FUT9: variants seen among roughly 807,000 people sequenced by gnomAD.
FUT9 encodes fucosyltransferase 9.
A neutral mutation model predicts 29.7 loss-of-function variants in FUT9; 15 were observed. The observed-to-expected ratio is 0.51, with a 90% CI of 0.34 to 0.78. FUT9 has a LOEUF of 0.78. Among genes scored for constraint, FUT9 ranks in the 30% least tolerant of loss-of-function variants. FUT9 has a pLI of 0.01. For synonymous variants in FUT9, 169 were observed against 153.7 expected, an observed-to-expected ratio of 1.10 and a Z score of -0.74; for missense variants, 319 against 425.4, an observed-to-expected ratio of 0.75 and a Z score of 2.20.
chr6:96,020,740 G>A (rs1303702697), intron 1 of FUT9: 2 of 152,056 alleles, frequency 1.3e-5, no homozygotes, highest in African/African-American at 4.8e-5. Flanking sequence ...AACGTGCTTG[G>A]ACTGATGTAA....
At chr6:96,197,776 G>A (rs1773653045) in intron 2 of FUT9, among the ~76,000 whole-genome samples, 1 of 152,140 alleles carries the variant, frequency 6.6e-6, no homozygotes. Context: ...GAAGAGGTAG[G>A]TAGTGGCTGC....
intron 2 of FUT9, among the ~76,000 whole-genome samples, chr6:96,176,380 T>C (rs2127984632): frequency 6.6e-6 from 1 of 151,880 alleles, no homozygotes; most frequent in South Asian, 2.1e-4. Flanking sequence ...TATTTATATA[T>C]ATCCTATTGG....
At chr6:96,093,723 A>G (rs1207997799) in intron 1 of FUT9, among the ~76,000 whole-genome samples, 1 of 152,122 alleles carries the variant, frequency 6.6e-6, no homozygotes, top group East Asian at 1.9e-4. Flanking sequence ...ATGAATATGG[A>G]TCCACATACA....
chr6:96,138,154 A>C (rs1025756333), intron 2 of FUT9, among the ~76,000 whole-genome samples: 12 of 152,300 alleles, frequency 7.9e-5, no homozygotes, highest in African/African-American at 2.9e-4. Flanking sequence ...TGAGTTACTC[A>C]TGCCCTCTCT....
intron 2 of FUT9, among the ~76,000 whole-genome samples, chr6:96,157,897 C>T (rs113703422): frequency 0.013 from 2,036 of 152,176 alleles, 26 homozygotes; most frequent in Non-Finnish European, 0.02. Flanking sequence ...AGATATGATG[C>T]AAATGAAAGG....
chr6:96,179,039 C>T (rs1475587389), intron 2 of FUT9, among the ~76,000 whole-genome samples: 2 of 152,018 alleles, frequency 1.3e-5, no homozygotes, highest in African/African-American at 4.8e-5. Flanking sequence ...TTTTATACCA[C>T]AAGAAGCAGA....
chr6:96,053,062 T>G (rs1770701712), intron 1 of FUT9, among the ~76,000 whole-genome samples: 1 of 152,102 alleles, frequency 6.6e-6, no homozygotes, highest in Non-Finnish European at 1.5e-5. Context: ...TAAAATTATT[T>G]TTAATGCAAG....
In FUT9 at chr6:96,203,865, C is replaced by T. The variant is rs1296604809; in HGVS notation, c.710C>T (p.Thr237Ile). The part of the protein sequence containing the change: ...NDKNLIPTIS[T>I]CKFYLSFENS... ...AAAAATTTGATTCCTACCATATCTA[C>T]TTGTAAATTTTATCTTTCCTTTGAA... Residue 237 changes from threonine (T) to isoleucine (I), a missense_variant, in exon 3 of 3, where the codon ACT becomes ATT. Coordinates refer to ENST00000302103, the MANE Select transcript of FUT9 (RefSeq NM_006581.4). The T allele has an allele frequency of 6.2e-7, 1 of 1,610,502 alleles. No homozygotes were observed. Among genetic ancestry groups the T allele is most frequent in the Middle Eastern group, 1.7e-4 (1 of 6,052 alleles).
chr6:96,157,307 G>C (rs764247320), intron 2 of FUT9, among the ~76,000 whole-genome samples: 1 of 152,256 alleles, frequency 6.6e-6, no homozygotes, highest in East Asian at 1.9e-4. Context: ...TCACAAAGGA[G>C]GACCTTGAGC....
At chr6:96,153,837 G>A (rs562252688) in intron 2 of FUT9, among the ~76,000 whole-genome samples, 6 of 152,210 alleles carry the variant, frequency 3.9e-5, no homozygotes, top group African/African-American at 1.2e-4. Flanking sequence ...TATACCATTT[G>A]CATTTTAATT....
chr6:96,158,073 T>A (rs1342846671), intron 2 of FUT9, among the ~76,000 whole-genome samples: 1 of 152,044 alleles, frequency 6.6e-6, no homozygotes, highest in Non-Finnish European at 1.5e-5. Context: ...TGACTTTTAA[T>A]TAGCACTTTT....
At chr6:96,041,674 C>A (rs1770463421) in intron 1 of FUT9, among the ~76,000 whole-genome samples, 1 of 152,160 alleles carries the variant, frequency 6.6e-6, no homozygotes, top group Admixed American at 6.5e-5. Flanking sequence ...TGTCTAAGGG[C>A]ATTTCCAGCT....
chr6:96,126,086 T>C (rs922903815), intron 2 of FUT9, among the ~76,000 whole-genome samples: 11 of 152,208 alleles, frequency 7.2e-5, no homozygotes, highest in African/African-American at 2.7e-4. Context: ...TAAGCCTCTC[T>C]CATGTCGGCG....
chr6:96,137,742 G>A (rs1772384885), intron 2 of FUT9, among the ~76,000 whole-genome samples: 1 of 151,892 alleles, frequency 6.6e-6, no homozygotes, highest in South Asian at 2.1e-4. Flanking sequence ...AAAATATTGG[G>A]TTTAGTGAAT....
intron 1 of FUT9, among the ~76,000 whole-genome samples, chr6:96,029,545 A>G (rs928109093): frequency 6.6e-6 from 1 of 151,662 alleles, no homozygotes; most frequent in East Asian, 1.9e-4. Flanking sequence ...GAGTAACTCA[A>G]TGCCCCAAAC....
rs1773990405 is a variant in FUT9, at chr6:96,214,057, C to G, written c.*9822C>G. On this transcript the variant is annotated 3_prime_UTR_variant, in exon 3 of 3. Transcript: ENST00000302103. ...AAATGTTATTCATAGTGCTAATGAG[C>G]CAATAAACAATGCTGCGTTTCTTTT... 6.0e-6 allele frequency: 1 copy of G among 166,858 alleles called. No individual in the cohort carries two copies. Among genetic ancestry groups the G allele is most frequent in the African/African-American group, 2.4e-5 (1 of 41,408 alleles). The allele number at this position is 166,858 out of a possible 1,614,324, so 10.3% of individuals were successfully genotyped here. A position where few individuals can be genotyped will look rare whatever the true frequency, so the allele number is the denominator to read the frequency against.
chr6:96,172,725 A>G (rs1353361803), intron 2 of FUT9, among the ~76,000 whole-genome samples: 1 of 152,152 alleles, frequency 6.6e-6, no homozygotes, highest in African/African-American at 2.4e-5. Context: ...GTTCTTCATC[A>G]AAACAAAAGA....
chr6:96,047,172 G>GAATGGA (rs986237379), intron 1 of FUT9, among the ~76,000 whole-genome samples: 2 of 152,066 alleles, frequency 1.3e-5, no homozygotes, highest in African/African-American at 4.8e-5. Flanking sequence ...CAGTGTCACC[G>GAATGGA]AATGGAAATG....
rs545199066 is a variant in FUT9 at position 96,087,957 on chromosome 6, T to C, written c.-97-26082T>C. ...GCTCTTGTATGTGTCTGAGAAAGTC[T>C]TTATTTTTCAAAGACATTTTCACTG... On this transcript the variant is annotated intron_variant, in intron 1 of 2. Transcript: ENST00000302103. Among the ~76,000 whole-genome samples the C allele has an allele frequency of 2.6e-5, 4 of 152,300 alleles. No homozygotes were observed. In the East Asian group the frequency reaches 7.7e-4, roughly 29 times the overall value.
Sources: allele counts gnomAD v4.1 joint callset (sites outside exome capture counted in the v4.1 genomes callset), GRCh38; gene constraint gnomAD v4.1.1; transcripts MANE v1.5; gene names NCBI Gene and HGNC (gene_info 2026-07-23, HGNC 2026-07-21).